Variants in ADAMTS16 observed in about 807,000 individuals in gnomAD.
ADAMTS16 encodes A disintegrin and metalloproteinase with thrombospondin motifs 16.
A neutral mutation model predicts 145.8 loss-of-function variants in ADAMTS16; 94 were observed. The observed-to-expected ratio is 0.64, with a 90% CI of 0.55 to 0.77. The LOEUF (loss-of-function observed/expected upper bound fraction) is 0.77, where lower values mean the gene tolerates loss of function less well. Ranked by LOEUF, ADAMTS16 falls within the 30% of genes least tolerant of loss-of-function variation. ADAMTS16 has a pLI of 0.00. For synonymous variants in ADAMTS16, 659 were observed against 604.3 expected (o/e 1.09, Z -1.33); for missense variants, 1,585 against 1,591.5 (o/e 1.00, Z 0.07).
Position 5,187,767 on chromosome 5 carries a change from A to G in ADAMTS16, c.1006A>G (p.Asn336Asp). ...FKDGTIGGNI[N>D]IAIVGLILLE... ...AGATGGAACAATAGGAGGAAACATC[A>G]ACATTGCAATTGTAGGTCTGATTCT... is the stretch of plus-strand genomic sequence containing the variant. Residue 336 changes from asparagine to aspartate, a missense_variant, in exon 6 of 23, where the codon AAC becomes GAC. Physicochemically the swap from Asn to Asp is conservative, Grantham distance 23 (BLOSUM62 1). Around this residue, in one of 3 missense-constraint regions of ADAMTS16, gnomAD observed 298 missense variants for 367.6 expected, o/e 0.81. Coordinates refer to ENST00000274181, the MANE Select transcript of ADAMTS16 (RefSeq NM_139056.4). The G allele has an allele frequency of 6.2e-7, 1 of 1,612,870 alleles. No homozygotes were observed. The highest frequency in any genetic ancestry group is 8.5e-7 in the Non-Finnish European group (1 of 1,178,916).
rs577701973 is a variant in ADAMTS16, at chr5:5,231,026, C to T, written c.1702-1342C>T. On this transcript the variant is annotated intron_variant, in intron 11 of 22. Coordinates refer to ENST00000274181, the MANE Select transcript of ADAMTS16 (RefSeq NM_139056.4). ...TTAAAAAGGGGGGAAAAGAAAACGACAACAACTAGCACACACCTGGCATCT... is the reference window on the plus strand; with the variant it reads ...TTAAAAAGGGGGGAAAAGAAAACGATAACAACTAGCACACACCTGGCATCT... 5.9e-5 allele frequency among the ~76,000 whole-genome samples: 9 copies of T among 152,208 alleles called. 1 individual carries two copies. The South Asian group carries it at 1.9e-3, about 32-fold the overall frequency.
intron 17 of ADAMTS16, among the ~76,000 whole-genome samples, chr5:5,252,185 T>G (rs1052449943): frequency 6.6e-6 from 1 of 152,172 alleles, no homozygotes; most frequent in Non-Finnish European, 1.5e-5. Context: ...GTGTCTACAA[T>G]GCACAGGAAA....
intron 18 of ADAMTS16, among the ~76,000 whole-genome samples, chr5:5,277,547 T>C (rs1366486556): frequency 1.3e-5 from 2 of 152,224 alleles, no homozygotes; most frequent in Non-Finnish European, 2.9e-5. Context: ...AAGGCAAGAA[T>C]CCATGCAAGA....
chr5:5,262,657 G>A lies in ADAMTS16; in HGVS notation c.2663G>A (p.Gly888Glu). The A allele has an allele frequency of 6.2e-7, 1 of 1,613,766 alleles. No homozygotes were observed. The highest frequency in any genetic ancestry group is 8.5e-7 in the Non-Finnish European group (1 of 1,179,854). ...RSECSVSCGG[G>E]QMTVREGCYR... ...TTCTACATTTCATCCTTGCCTGCAG[G>A]ACAGATGACCGTGAGAGAGGGCTGC... Residue 888 changes from glycine to glutamate, a missense_variant and splice_region_variant, in exon 18 of 23, where the codon GGA becomes GAA. This residue lies in a region of ADAMTS16 where 834 missense variants were observed against 811.7 expected (regional missense o/e 1.03). Transcript: ENST00000274181.
intron 3 of ADAMTS16, among the ~76,000 whole-genome samples, chr5:5,166,604 T>C (rs966565727): frequency 5.9e-5 from 9 of 151,906 alleles, no homozygotes; most frequent in Non-Finnish European, 1.2e-4. Flanking sequence ...TATAAATCAG[T>C]AGAGAAAAAA....
intron 10 of ADAMTS16, among the ~76,000 whole-genome samples, chr5:5,213,433 T>C (rs1271496075): frequency 6.6e-6 from 1 of 152,222 alleles, no homozygotes; most frequent in Admixed American, 6.5e-5. Context: ...TAAGTTTTAG[T>C]TCCAGAATTC....
intron 10 of ADAMTS16, among the ~76,000 whole-genome samples, chr5:5,218,425 TG>T (rs1736496671): frequency 6.6e-6 from 1 of 152,038 alleles, no homozygotes; most frequent in African/African-American, 2.4e-5. Flanking sequence ...ACAGAGACTG[TG>T]GGGAGCACTC....
intron 18 of ADAMTS16, among the ~76,000 whole-genome samples, chr5:5,277,725 T>C (rs1370917803): frequency 1.3e-5 from 2 of 152,200 alleles, no homozygotes; most frequent in Non-Finnish European, 2.9e-5. Flanking sequence ...CCTGTAATTC[T>C]AGCACTGTAG....
chr5:5,252,148 C>A (rs375254305), intron 17 of ADAMTS16, among the ~76,000 whole-genome samples: 1 of 152,138 alleles, frequency 6.6e-6, no homozygotes, highest in African/African-American at 2.4e-5. Flanking sequence ...CGTGCCTGGC[C>A]GTCGGTGCTT....
chr5:5,217,868 T>A (rs1391827561), intron 10 of ADAMTS16, among the ~76,000 whole-genome samples: 3 of 152,236 alleles, frequency 2.0e-5, no homozygotes, highest in Non-Finnish European at 4.4e-5. Context: ...CGTGTACCTA[T>A]CATGCTTTAT....
intron 18 of ADAMTS16, among the ~76,000 whole-genome samples, chr5:5,271,945 G>T (rs1738493999): frequency 6.6e-6 from 1 of 152,118 alleles, no homozygotes; most frequent in Non-Finnish European, 1.5e-5. Flanking sequence ...TCTGCCTGCT[G>T]GTTGCACACT....
intron 14 of ADAMTS16, among the ~76,000 whole-genome samples, chr5:5,238,517 A>G (rs72724157): frequency 0.12 from 18,345 of 152,246 alleles, 1,267 homozygotes; most frequent in Admixed American, 0.19. Context: ...ATTAAAAAAC[A>G]CTGTAAGTTG....
At chr5:5,286,267 G>T (rs570731059) in intron 18 of ADAMTS16, among the ~76,000 whole-genome samples, 2 of 152,270 alleles carry the variant, frequency 1.3e-5, no homozygotes, top group East Asian at 3.9e-4. Context: ...AAATACCACA[G>T]AATGATTAGG....
intron 13 of ADAMTS16, 128 bp from the exon 14 acceptor site, chr5:5,236,841 T>G: frequency 8.5e-7 from 1 of 1,173,968 alleles, no homozygotes; most frequent in Non-Finnish European, 1.1e-6. Context: ...AAAATGCCAT[T>G]GTAATGTATT....
intron 9 of ADAMTS16, among the ~76,000 whole-genome samples, chr5:5,203,881 C>T (rs1240955279): frequency 6.6e-6 from 1 of 152,110 alleles, no homozygotes; most frequent in African/African-American, 2.4e-5. Flanking sequence ...TAAGCGGCGC[C>T]GTACCCCATA....
chr5:5,243,464 C>T (rs1008857841), intron 17 of ADAMTS16, among the ~76,000 whole-genome samples: 17 of 152,216 alleles, frequency 1.1e-4, no homozygotes, highest in Non-Finnish European at 8.8e-5. Context: ...CTCTGTGTGA[C>T]GTGGGACATT....
At position 5,262,677 on chromosome 5, in the gene ADAMTS16, G is replaced by A. The variant is rs1254314752; in HGVS notation, c.2683G>A (p.Gly895Ser). 2 of 1,614,036 alleles carry A rather than the reference G, an allele frequency of 1.2e-6. No individual in the cohort carries two copies. The highest frequency in any genetic ancestry group is 1.1e-5 in the South Asian group (1 of 91,054). Residue 895 changes from glycine (G) to serine (S), a missense_variant, in exon 18 of 23, where the codon GGC becomes AGC. Gly to Ser is a moderately conservative substitution (Grantham distance 56). This residue lies in a region of ADAMTS16 where 834 missense variants were observed against 811.7 expected (regional missense o/e 1.03). Transcript: ENST00000274181. The stretch of plus-strand genomic sequence containing the variant: ...TGCAGGACAGATGACCGTGAGAGAG[G>A]GCTGCTACAGAGACCTGAAGTTTCA... ...CGGGQMTVRE[G>S]CYRDLKFQVN...
intron 12 of ADAMTS16, among the ~76,000 whole-genome samples, chr5:5,233,695 G>A (rs1045402648): frequency 6.6e-5 from 10 of 152,144 alleles, no homozygotes; most frequent in Admixed American, 4.6e-4. Context: ...TGGCTGCATG[G>A]TATTCCATGG....
chr5:5,317,504 C>T lies in ADAMTS16; in HGVS notation c.3412-630C>T, dbSNP rs1187075495. On this transcript the variant is annotated intron_variant, in intron 21 of 22. Transcript: ENST00000274181. This position sits in a 1 kb window ranked among gnomAD's most constrained non-coding sequence, Gnocchi z 4.5. ...CTGCCTCCCAGGTTCAGGCGATTCT[C>T]ATGCCTCAGCTTCCCAAGTAGCTGG... Among the ~76,000 whole-genome samples, 3 of 152,172 alleles carry T rather than the reference C, an allele frequency of 2.0e-5. No homozygotes were observed. The highest frequency in any genetic ancestry group is 4.4e-5 in the Non-Finnish European group (3 of 68,030).
Sources: allele counts gnomAD v4.1 joint callset (sites outside exome capture counted in the v4.1 genomes callset), GRCh38; gene constraint gnomAD v4.1.1; regional missense constraint gnomAD v4.1.1; non-coding constraint Gnocchi (gnomAD v3.1); transcripts MANE v1.5; gene names NCBI Gene and HGNC (gene_info 2026-07-23, HGNC 2026-07-21).